KCNK2: variants seen among roughly 807,000 people sequenced by gnomAD.
KCNK2 encodes the protein potassium channel subfamily K member 2.
Under a neutral mutation model 40.5 loss-of-function variants are expected in KCNK2, and 21 were observed. The ratio of observed to expected loss-of-function variants is 0.52; its 90% confidence interval spans 0.37 to 0.75. The LOEUF (loss-of-function observed/expected upper bound fraction) is 0.75, where lower values mean the gene tolerates loss of function less well. KCNK2 is among the 30% of genes least tolerant of loss of function. KCNK2 has a pLI of 0.00. For synonymous variants in KCNK2, 191 were observed against 202.2 expected, an observed-to-expected ratio of 0.94 and a Z score of 0.47; for missense variants, 399 against 531.6, an observed-to-expected ratio of 0.75 and a Z score of 2.45.
At chr1:215,128,488 G>A (rs886282406) in intron 3 of KCNK2, among the ~76,000 whole-genome samples, 56 of 152,120 alleles carry the variant, frequency 3.7e-4, no homozygotes, top group African/African-American at 1.1e-3. Context: ...ACATTTCCAC[G>A]TATGAAATGA....
intron 3 of KCNK2, among the ~76,000 whole-genome samples, chr1:215,160,913 C>T (rs1338451128): frequency 6.6e-6 from 1 of 152,090 alleles, no homozygotes; most frequent in East Asian, 1.9e-4. Flanking sequence ...ATATCAAAAT[C>T]AACCTACTCC....
At chr1:215,172,343 G>A (rs1663752341) in intron 5 of KCNK2, among the ~76,000 whole-genome samples, 160 bp downstream of exon 5, 1 of 152,084 alleles carries the variant, frequency 6.6e-6, no homozygotes, top group African/African-American at 2.4e-5. Flanking sequence ...CAAATTCATT[G>A]TCTCACAGAA....
At chr1:215,077,080 A>T (rs150442636) in intron 1 of KCNK2, among the ~76,000 whole-genome samples, 1 of 152,314 alleles carries the variant, frequency 6.6e-6, no homozygotes, top group Non-Finnish European at 1.5e-5. Context: ...TCAGCGGTAT[A>T]GAGCAAAAGT....
At chr1:215,108,338 A>G (rs963913714) in intron 2 of KCNK2, among the ~76,000 whole-genome samples, 11 of 152,306 alleles carry the variant, frequency 7.2e-5, no homozygotes, top group Admixed American at 1.3e-4. Flanking sequence ...ATCATTTTAT[A>G]TAAGGCACTT....
chr1:215,072,789 T>A (rs1658800654), intron 1 of KCNK2, among the ~76,000 whole-genome samples: 1 of 152,196 alleles, frequency 6.6e-6, no homozygotes, highest in South Asian at 2.1e-4. Flanking sequence ...TGTAAAACAT[T>A]GTGCTGAGGA....
At chr1:215,021,560 T>G (rs1334673351) in intron 1 of KCNK2, among the ~76,000 whole-genome samples, 1 of 100,800 alleles carries the variant, frequency 9.9e-6, no homozygotes, top group Admixed American at 1.0e-4. Context: ...TTTTTTTTTT[T>G]TTTGAGACGG....
chr1:215,199,231 C>A lies in KCNK2; in HGVS notation c.963+4139C>A, dbSNP rs555497851. Among the ~76,000 whole-genome samples, 23 of 152,020 alleles carry A rather than the reference C, an allele frequency of 1.5e-4. No homozygotes were observed. The South Asian group carries it at 4.8e-3, about 32-fold the overall frequency. ...GCTGAGGCAGGAGAATTGCTTGGAC[C>A]CGGGGAGGCAGAGGTTCCAGTGAGC... On this transcript the variant is annotated intron_variant, in intron 6 of 6. Coordinates refer to ENST00000444842, the MANE Select transcript of KCNK2 (RefSeq NM_001017425.3).
intron 6 of KCNK2, among the ~76,000 whole-genome samples, chr1:215,229,230 G>C (rs1291798581): frequency 3.6e-5 from 5 of 140,238 alleles, no homozygotes; most frequent in African/African-American, 1.1e-4. Flanking sequence ...TTTTGAATGT[G>C]AATGATTAAT....
At chr1:215,167,977 C>G (rs927780966) in intron 3 of KCNK2, among the ~76,000 whole-genome samples, 9 of 152,084 alleles carry the variant, frequency 5.9e-5, no homozygotes, top group African/African-American at 2.2e-4. Context: ...ACCCATCTAA[C>G]AAGTCTAATA....
intron 1 of KCNK2, among the ~76,000 whole-genome samples, chr1:215,006,378 A>G (rs1656128192): frequency 6.6e-6 from 1 of 152,200 alleles, no homozygotes; most frequent in African/African-American, 2.4e-5. Flanking sequence ...TACTTAGAAT[A>G]TTAGTTATTT....
At chr1:215,093,896 A>AATATATT (rs1385810907) in intron 2 of KCNK2, among the ~76,000 whole-genome samples, 1 of 108,158 alleles carries the variant, frequency 9.2e-6, no homozygotes, top group Non-Finnish European at 1.8e-5. Context: ...TATATATAAA[A>AATATATT]ATATATTATA....
intron 1 of KCNK2, among the ~76,000 whole-genome samples, chr1:215,007,084 T>C (rs1656177564): frequency 7.8e-6 from 1 of 128,284 alleles, no homozygotes; most frequent in Non-Finnish European, 1.6e-5. Context: ...TATATATATG[T>C]GTGTATATAT....
At chr1:215,017,899 A>C (rs1337197997) in intron 1 of KCNK2, among the ~76,000 whole-genome samples, 1 of 152,182 alleles carries the variant, frequency 6.6e-6, no homozygotes, top group Non-Finnish European at 1.5e-5. Flanking sequence ...TGAAATGCCA[A>C]AAATGGTGGG....
intron 6 of KCNK2, among the ~76,000 whole-genome samples, chr1:215,218,127 T>G (rs1666029387): frequency 1.3e-5 from 2 of 152,194 alleles, no homozygotes; most frequent in Non-Finnish European, 2.9e-5. Flanking sequence ...ACCAAATGTC[T>G]GCAAGACTTA....
chr1:215,138,515 CTTCGGGAGGCCAAGAA>C (rs989610220), intron 3 of KCNK2, among the ~76,000 whole-genome samples: 1 of 152,064 alleles, frequency 6.6e-6, no homozygotes, highest in Non-Finnish European at 1.5e-5. Context: ...AATCCCATCA[CTTCGGGAGGCCAAGAA>C]TTGCTGAGTT....
chr1:215,023,014 A>G (rs2102479607), intron 1 of KCNK2, among the ~76,000 whole-genome samples: 1 of 152,316 alleles, frequency 6.6e-6, no homozygotes, highest in East Asian at 1.9e-4. Flanking sequence ...CAGTGATACA[A>G]TATCTAAGTA....
intron 5 of KCNK2, among the ~76,000 whole-genome samples, chr1:215,185,740 A>G (rs1177626448): frequency 6.6e-6 from 1 of 152,132 alleles, no homozygotes; most frequent in Non-Finnish European, 1.5e-5. Flanking sequence ...TCATCTTTCT[A>G]TTGGGCTATA....
At chr1:215,186,972 T>G (rs571296618) in intron 5 of KCNK2, among the ~76,000 whole-genome samples, 12 of 152,304 alleles carry the variant, frequency 7.9e-5, no homozygotes, top group African/African-American at 2.9e-4. Flanking sequence ...AATTTTATTT[T>G]ATCTTTTTAT....
intron 3 of KCNK2, among the ~76,000 whole-genome samples, chr1:215,130,345 C>T (rs568014748): frequency 5.3e-5 from 8 of 152,280 alleles, no homozygotes; most frequent in South Asian, 2.1e-4. Context: ...CCTACTTCTA[C>T]GCATACCCAA....
Sources: allele counts gnomAD v4.1 joint callset (sites outside exome capture counted in the v4.1 genomes callset), GRCh38; gene constraint gnomAD v4.1.1; transcripts MANE v1.5; gene names NCBI Gene and HGNC (gene_info 2026-07-23, HGNC 2026-07-21).